The following ZBED6 variants were observed in gnomAD, a reference collection of about 807,000 sequenced individuals.
ZBED6 encodes zinc finger BED domain-containing protein 6.
A neutral mutation model predicts 58.4 loss-of-function variants in ZBED6; 40 were observed. That is an observed-to-expected ratio of 0.68 (90% CI 0.53 to 0.89). ZBED6 has a LOEUF of 0.89. ZBED6 is among the 40% of genes least tolerant of loss of function. The pLI, the probability that ZBED6 is intolerant of heterozygous loss-of-function variation, is 0.00. For synonymous variants in ZBED6, 439 were observed against 350.6 expected, an observed-to-expected ratio of 1.25 and a Z score of -2.82; for missense variants, 1,057 against 1,003.9, an observed-to-expected ratio of 1.05 and a Z score of -0.71.
intron 2 of ZBED6, among the ~76,000 whole-genome samples, chr1:203,817,688 AT>A (rs1676825222): frequency 6.6e-6 from 1 of 151,894 alleles, no homozygotes; most frequent in South Asian, 2.1e-4. Context: ...GCTTTCTGTG[AT>A]TTTATGACTA....
At chr1:203,812,290 G>C (rs958985011) in intron 1 of ZBED6, among the ~76,000 whole-genome samples, 9 of 152,052 alleles carry the variant, frequency 5.9e-5, no homozygotes, top group African/African-American at 2.2e-4. Context: ...TCTACCTTCT[G>C]ATAGGCTCCA....
At chr1:203,848,385 G>A in exon 13 of ZBED6, 1 of 1,611,964 alleles carries the variant, frequency 6.2e-7, no homozygotes, top group Non-Finnish European at 8.5e-7. Flanking sequence ...TCTCAGAGCA[G>A]TATTAGAACA....
Position 203,821,378 on chromosome 1 carries a change from A to G in ZBED6, c.*2873+2689A>G, listed in dbSNP as rs11240566. On this transcript the variant is annotated intron_variant, in intron 3 of 16. Transcript: ENST00000550078. ...TATAGCAATGTGAAAATGGACTAAT[A>G]CATGTGGTTTTCTATTTTAATCAGT... is the stretch of plus-strand genomic sequence containing the variant. Among the ~76,000 whole-genome samples, 950 of 152,146 alleles carry G rather than the reference A, an allele frequency of 6.2e-3. 14 individuals are homozygous for G. Among genetic ancestry groups the G allele is most frequent in the East Asian group, 0.043 (222 of 5,174 alleles).
At chr1:203,829,050 T>C (rs1311413379) in intron 4 of ZBED6, among the ~76,000 whole-genome samples, 2 of 152,206 alleles carry the variant, frequency 1.3e-5, no homozygotes, top group Non-Finnish European at 2.9e-5. Flanking sequence ...TTTACCTCAA[T>C]TTAAGGGAAA....
At position 203,847,529 on chromosome 1, in the gene ZBED6, C is replaced by T. The variant is rs147526086; in HGVS notation, c.*4087C>T. On this transcript the variant is annotated 3_prime_UTR_variant, in exon 12 of 17. Coordinates refer to ENST00000550078, the Ensembl canonical transcript of ZBED6. Reference sequence around the variant, plus strand: ...CAATCAGAGGAGCCTGCAGGTAAAACAAAGTCTATGCAGGAGGTGCACATC... The same window carrying T: ...CAATCAGAGGAGCCTGCAGGTAAAATAAAGTCTATGCAGGAGGTGCACATC... 8.4e-5 allele frequency: 135 copies of T among 1,613,940 alleles called. 1 individual carries two copies. In the African/African-American group the frequency reaches 1.6e-3, roughly 19 times the overall value.
intron 8 of ZBED6, among the ~76,000 whole-genome samples, chr1:203,832,859 A>G (rs772489799): frequency 6.6e-6 from 1 of 152,244 alleles, no homozygotes; most frequent in Non-Finnish European, 1.5e-5. Flanking sequence ...ATCAAAGTGC[A>G]TAAGCAAAAG....
intron 3 of ZBED6, among the ~76,000 whole-genome samples, chr1:203,827,556 C>A (rs1007100169): frequency 6.6e-6 from 1 of 151,888 alleles, no homozygotes; most frequent in African/African-American, 2.4e-5. Context: ...GTGGCAGGCA[C>A]CTGTAGTCCC....
chr1:203,813,293 G>A (rs1380169662), intron 1 of ZBED6, among the ~76,000 whole-genome samples: 2 of 151,556 alleles, frequency 1.3e-5, no homozygotes, highest in African/African-American at 2.4e-5. Flanking sequence ...TGCAACCTCC[G>A]CCTCCCAGGT....
exon 1 of ZBED6, chr1:203,801,077 T>C (rs1670423967): frequency 6.6e-6 from 1 of 152,208 alleles, no homozygotes; most frequent in South Asian, 2.1e-4. Flanking sequence ...TAGGAAAATA[T>C]ACTTTTAGTC....
chr1:203,834,720 G>T (rs1683675121), intron 9 of ZBED6, among the ~76,000 whole-genome samples: 1 of 152,184 alleles, frequency 6.6e-6, no homozygotes, highest in African/African-American at 2.4e-5. Flanking sequence ...CACAATCTCA[G>T]CTCACTGCAA....
intron 3 of ZBED6, among the ~76,000 whole-genome samples, chr1:203,820,045 A>G (rs1023051705): frequency 6.7e-6 from 1 of 150,318 alleles, no homozygotes; most frequent in African/African-American, 2.5e-5. Context: ...GACCAGCCTG[A>G]CCAACATGGT....
chr1:203,830,224 A>G (rs900332382), intron 7 of ZBED6, 21 bp downstream of exon 7: 3 of 1,568,142 alleles, frequency 1.9e-6, no homozygotes, highest in Non-Finnish European at 2.6e-6. Context: ...ACGTTTTGGC[A>G]TGGATAGTTG....
intron 3 of ZBED6, among the ~76,000 whole-genome samples, chr1:203,825,937 G>A (rs1680379106): frequency 6.6e-6 from 1 of 152,046 alleles, no homozygotes; most frequent in African/African-American, 2.4e-5. Flanking sequence ...ACAAAATCTA[G>A]CAAATGTATT....
intron 3 of ZBED6, among the ~76,000 whole-genome samples, chr1:203,819,325 G>C (rs549751238): frequency 2.7e-5 from 4 of 149,980 alleles, no homozygotes; most frequent in Non-Finnish European, 5.9e-5. Context: ...AGGTTCAAGC[G>C]ATTCTCCTGC....
intron 7 of ZBED6, among the ~76,000 whole-genome samples, 186 bp from the exon 8 acceptor site, chr1:203,831,475 A>C (rs889116655): frequency 1.3e-5 from 2 of 152,296 alleles, no homozygotes; most frequent in Non-Finnish European, 2.9e-5. Context: ...TTTTCACATC[A>C]TGCCCAAGGC....
At chr1:203,829,954 T>C in intron 6 of ZBED6, 58 bp downstream of exon 6, 1 of 1,500,800 alleles carries the variant, frequency 6.7e-7, no homozygotes, top group Non-Finnish European at 9.3e-7. Flanking sequence ...CTTTGAAATT[T>C]AGTTCACAAT....
At chr1:203,848,258 TTTTG>T in intron 12 of ZBED6, 69 bp from the exon 13 acceptor site, 1 of 1,262,768 alleles carries the variant, frequency 7.9e-7, no homozygotes, top group Non-Finnish European at 1.1e-6. Flanking sequence ...TTAAATAAAG[TTTTG>T]TTTAACATAT....
At chr1:203,833,504 C>T (rs1410759928) in intron 8 of ZBED6, among the ~76,000 whole-genome samples, 1 of 151,686 alleles carries the variant, frequency 6.6e-6, no homozygotes, top group Non-Finnish European at 1.5e-5. Flanking sequence ...GCACTCCAGC[C>T]TGAGTGACAG....
At chr1:203,841,041 A>C (rs559745133) in intron 11 of ZBED6, among the ~76,000 whole-genome samples, 2 of 148,982 alleles carry the variant, frequency 1.3e-5, no homozygotes, top group Non-Finnish European at 3.0e-5. Flanking sequence ...TCAAATGCTG[A>C]ACAACGATAT....
Sources: gnomAD v4.1 joint callset for allele counts (sites outside exome capture counted in the v4.1 genomes callset) on GRCh38, gnomAD v4.1.1 for gene constraint, MANE v1.5 for transcripts, NCBI Gene and HGNC (gene_info 2026-07-23, HGNC 2026-07-21) for gene names.